Variants in NKAIN3 observed in about 807,000 individuals in gnomAD.
The protein encoded by NKAIN3 is sodium/potassium transporting ATPase interacting 3, also known as sodium/potassium-transporting ATPase subunit beta-1-interacting protein 3.
Under a neutral mutation model 30.2 loss-of-function variants are expected in NKAIN3, and 25 were observed. The ratio of observed to expected loss-of-function variants is 0.83; its 90% confidence interval spans 0.60 to 1.16. NKAIN3 has a LOEUF of 1.16. NKAIN3 is among the 50% of genes most tolerant of loss of function. The pLI is 0.00. For missense variants in NKAIN3, 225 were observed against 254.1 expected (o/e 0.89, Z 0.78); for synonymous variants, 91 against 89.6 (o/e 1.02, Z -0.09).
intron 4 of NKAIN3, among the ~76,000 whole-genome samples, chr8:62,859,513 A>AAAAAAAAAAC (rs1820175546): frequency 6.7e-6 from 1 of 149,570 alleles, no homozygotes; most frequent in South Asian, 2.1e-4. Context: ...TCAACTAAAA[A>AAAAAAAAAAC]AAAAAAAACT....
intron 1 of NKAIN3, among the ~76,000 whole-genome samples, chr8:62,492,815 T>G (rs182681058): frequency 3.4e-4 from 52 of 152,286 alleles, no homozygotes; most frequent in African/African-American, 1.1e-3. Flanking sequence ...AGTTCTGTTT[T>G]CAGCTCTTTG....
chr8:62,688,232 A>G (rs1339654440), intron 3 of NKAIN3, among the ~76,000 whole-genome samples: 1 of 152,216 alleles, frequency 6.6e-6, no homozygotes, highest in African/African-American at 2.4e-5. Context: ...CATTATGGGT[A>G]ACAGAAGCTG....
intron 4 of NKAIN3, among the ~76,000 whole-genome samples, chr8:62,824,205 G>A (rs1306903872): frequency 6.6e-6 from 1 of 152,110 alleles, no homozygotes; most frequent in Admixed American, 6.6e-5. Context: ...TCAGCTGAGA[G>A]TAATTCCGTG....
At chr8:62,813,655 C>A (rs1818568182) in intron 4 of NKAIN3, among the ~76,000 whole-genome samples, 1 of 151,862 alleles carries the variant, frequency 6.6e-6, no homozygotes, top group South Asian at 2.1e-4. Flanking sequence ...TTGTTCCTTT[C>A]TTCCACTCTT....
chr8:62,804,237 G>C (rs1301620826), intron 4 of NKAIN3, among the ~76,000 whole-genome samples: 1 of 152,156 alleles, frequency 6.6e-6, no homozygotes, highest in Non-Finnish European at 1.5e-5. Context: ...AATAGGAAAA[G>C]AGGGAATCCT....
Position 62,543,471 on chromosome 8 carries a change from A to G in NKAIN3, c.55-36068A>G, listed in dbSNP as rs1255112725. On this transcript the variant is annotated intron_variant, in intron 1 of 6. Transcript: ENST00000623646. ...GAGGCAGAACAGATGATGTTGCTCA[A>G]TAGCTTCAATGTGACACCTTTGAGG... is the stretch of plus-strand genomic sequence containing the variant. 9.9e-5 allele frequency among the ~76,000 whole-genome samples: 15 copies of G among 152,192 alleles called. No homozygotes were observed. In the South Asian group the frequency reaches 3.1e-3, roughly 32 times the overall value.
At chr8:62,698,417 G>C (rs1005333755) in intron 3 of NKAIN3, among the ~76,000 whole-genome samples, 1 of 152,148 alleles carries the variant, frequency 6.6e-6, no homozygotes, top group African/African-American at 2.4e-5. Context: ...AGCTCCTCCT[G>C]CAGATTGGAT....
Position 62,309,934 on chromosome 8 carries a change from C to T in NKAIN3, c.54+60807C>T, listed in dbSNP as rs992077630. Among the ~76,000 whole-genome samples the T allele has an allele frequency of 2.0e-5, 3 of 150,214 alleles. 1 individual carries two copies. Among genetic ancestry groups the T allele is most frequent in the African/African-American group, 7.6e-5 (3 of 39,664 alleles). ...CTATTTCTCACAATTCTGCTTGGAA[C>T]TATATATCTCACATTCATCCTCAAC... On this transcript the variant is annotated intron_variant, in intron 1 of 6. Transcript: ENST00000623646.
intron 3 of NKAIN3, among the ~76,000 whole-genome samples, chr8:62,634,055 A>G (rs1364657111): frequency 6.6e-6 from 1 of 152,152 alleles, no homozygotes. Context: ...AAGAAATGCA[A>G]TTGAAACCAG....
chr8:62,443,775 A>AT (rs1339579016), intron 1 of NKAIN3, among the ~76,000 whole-genome samples: 6 of 151,424 alleles, frequency 4.0e-5, no homozygotes, highest in African/African-American at 1.2e-4. Flanking sequence ...TTTCTTTTTG[A>AT]TTTTTTCTGC....
At chr8:62,987,978 T>A (rs1824237760), downstream of NKAIN3, among the ~76,000 whole-genome samples, 1 of 152,224 alleles carries the variant, frequency 6.6e-6, no homozygotes. Context: ...ATACTCCTGT[T>A]CTAAATTGGA....
intron 4 of NKAIN3, among the ~76,000 whole-genome samples, chr8:62,885,493 A>G (rs1299906345): frequency 6.6e-6 from 1 of 152,222 alleles, no homozygotes; most frequent in Non-Finnish European, 1.5e-5. Flanking sequence ...TGTCAATTAT[A>G]TCCATCTGTT....
At chr8:62,558,444 G>T (rs1236423443) in intron 1 of NKAIN3, among the ~76,000 whole-genome samples, 5 of 152,062 alleles carry the variant, frequency 3.3e-5, no homozygotes. Flanking sequence ...GTTATGTGAA[G>T]AATGATGGTA....
At chr8:62,741,362 A>AGAAG (rs200947376) in intron 3 of NKAIN3, among the ~76,000 whole-genome samples, 3,039 of 137,626 alleles carry the variant, frequency 0.022, 64 homozygotes, top group African/African-American at 0.049. Context: ...AGAGAGAGAA[A>AGAAG]GAAGGAAGGA....
intron 1 of NKAIN3, among the ~76,000 whole-genome samples, chr8:62,562,373 A>G (rs1809614727): frequency 6.6e-6 from 1 of 152,312 alleles, no homozygotes; most frequent in Non-Finnish European, 1.5e-5. Context: ...TCACCAGGTT[A>G]GGTCACAGCT....
intron 1 of NKAIN3, among the ~76,000 whole-genome samples, chr8:62,513,458 A>G (rs1259345399): frequency 1.3e-5 from 2 of 152,162 alleles, no homozygotes; most frequent in African/African-American, 4.8e-5. Context: ...GAAGTCATGA[A>G]TTTGAATGAT....
At chr8:62,536,257 A>G (rs2129866320) in intron 1 of NKAIN3, among the ~76,000 whole-genome samples, 1 of 152,306 alleles carries the variant, frequency 6.6e-6, no homozygotes, top group Admixed American at 6.5e-5. Flanking sequence ...TAATTACTTC[A>G]AAAAGCAATG....
chr8:62,964,421 T>C (rs892895320), intron 6 of NKAIN3, among the ~76,000 whole-genome samples: 1 of 151,916 alleles, frequency 6.6e-6, no homozygotes, highest in African/African-American at 2.4e-5. Context: ...CAGCTTAGGA[T>C]AGAATAAGTA....
chr8:62,408,625 T>C (rs1226850729), intron 1 of NKAIN3, among the ~76,000 whole-genome samples: 3 of 152,214 alleles, frequency 2.0e-5, no homozygotes, highest in East Asian at 3.8e-4. Flanking sequence ...GTAGAGGTGA[T>C]TCGTGTCTGG....
Sources: allele counts gnomAD v4.1 joint callset (sites outside exome capture counted in the v4.1 genomes callset), GRCh38; gene constraint gnomAD v4.1.1; transcripts MANE v1.5; gene names NCBI Gene and HGNC (gene_info 2026-07-23, HGNC 2026-07-21).